The following CCDC141 variants were observed in gnomAD, a reference collection of about 807,000 sequenced individuals.
CCDC141 encodes coiled-coil domain-containing protein 141.
CCDC141 carries 168 observed loss-of-function variants against 181.0 expected under a neutral mutation model. The ratio of observed to expected loss-of-function variants is 0.93; its 90% CI spans 0.82 to 1.05. The LOEUF is 1.05. Among genes scored for constraint, CCDC141 ranks in the 50% least tolerant of loss-of-function variants. CCDC141 has a pLI of 0.00. For missense variants in CCDC141, 1,902 were observed against 1,788.5 expected (o/e 1.06, Z -1.14); for synonymous variants, 666 against 642.3 (o/e 1.04, Z -0.56).
intron 21 of CCDC141, among the ~76,000 whole-genome samples, chr2:178,847,495 C>T (rs942363038): frequency 6.6e-6 from 1 of 152,162 alleles, no homozygotes; most frequent in African/African-American, 2.4e-5. Flanking sequence ...AACACCACTA[C>T]ACTCCAGCCT....
At chr2:178,959,163 G>A (rs994906320) in intron 5 of CCDC141, among the ~76,000 whole-genome samples, 2 of 151,840 alleles carry the variant, frequency 1.3e-5, no homozygotes, top group African/African-American at 4.8e-5. Flanking sequence ...GAAGGGGGGA[G>A]GGATAGCATT....
chr2:178,836,893 C>G lies in CCDC141; in HGVS notation c.4325+1G>C, dbSNP rs1479001651. On this transcript the variant is annotated splice_donor_variant, in intron 23 of 23. Coordinates refer to ENST00000443758, the MANE Select transcript of CCDC141 (RefSeq NM_173648.4). LOFTEE classifies it high-confidence loss of function. Reference sequence around the variant, plus strand: ...ATGGCTTGTCATTATAGGCTACCCACCATGTCAGTGTAGGCTCTGGAAATC... The same window carrying G: ...ATGGCTTGTCATTATAGGCTACCCAGCATGTCAGTGTAGGCTCTGGAAATC... 6.2e-7 allele frequency: 1 copy of G among 1,601,098 alleles called. No homozygotes were observed. The highest frequency in any genetic ancestry group is 8.5e-7 in the Non-Finnish European group (1 of 1,176,706).
intron 2 of CCDC141, among the ~76,000 whole-genome samples, chr2:178,984,272 T>C (rs1691597426): frequency 6.9e-6 from 1 of 144,320 alleles, no homozygotes; most frequent in African/African-American, 2.6e-5. Flanking sequence ...TGCTGAGAGA[T>C]TTTGTCACCA....
At chr2:178,991,171 A>T (rs77553802) in intron 2 of CCDC141, among the ~76,000 whole-genome samples, 7,927 of 152,238 alleles carry the variant, frequency 0.052, 259 homozygotes, top group South Asian at 0.088. Context: ...TGGCAATGAA[A>T]TTTATCAAAC....
chr2:178,936,937 A>G (rs1689314076), intron 6 of CCDC141, among the ~76,000 whole-genome samples: 1 of 152,152 alleles, frequency 6.6e-6, no homozygotes, highest in Admixed American at 6.5e-5. Flanking sequence ...ATTTCTGTAC[A>G]TTGATTTTGT....
intron 17 of CCDC141, among the ~76,000 whole-genome samples, chr2:178,862,000 G>T (rs989959136): frequency 2.0e-5 from 3 of 152,074 alleles, no homozygotes; most frequent in Non-Finnish European, 4.4e-5. Context: ...TGGTCATTTT[G>T]TCAGTGGCAA....
At chr2:178,829,191 T>C (rs970572826), downstream of CCDC141, among the ~76,000 whole-genome samples, 5 of 152,254 alleles carry the variant, frequency 3.3e-5, no homozygotes, top group Non-Finnish European at 7.3e-5. Context: ...CAGTTTTTAT[T>C]GTGCTAATTG....
intron 6 of CCDC141, among the ~76,000 whole-genome samples, chr2:178,933,769 AG>A (rs1689184100): frequency 6.6e-6 from 1 of 152,314 alleles, no homozygotes; most frequent in South Asian, 2.1e-4. Context: ...AAATGCTTAC[AG>A]CAGCCAGGCA....
At chr2:178,904,116 G>A (rs1375825784) in intron 8 of CCDC141, among the ~76,000 whole-genome samples, 3 of 152,138 alleles carry the variant, frequency 2.0e-5, no homozygotes, top group Non-Finnish European at 4.4e-5. Flanking sequence ...TGGATGGGAG[G>A]AAACACCTTG....
chr2:178,905,186 AACTT>A (rs1270630308), intron 8 of CCDC141, 139 bp downstream of exon 8: 4 of 750,090 alleles, frequency 5.3e-6, no homozygotes, highest in Non-Finnish European at 8.3e-6. Flanking sequence ...CTGTTGATCA[AACTT>A]CAATAGATCC....
chr2:178,887,313 G>A (rs1298669811), intron 9 of CCDC141, among the ~76,000 whole-genome samples: 1 of 152,148 alleles, frequency 6.6e-6, no homozygotes, highest in East Asian at 1.9e-4. Context: ...GGACTCTGGG[G>A]GAGCACCAAA....
intron 2 of CCDC141, among the ~76,000 whole-genome samples, chr2:179,029,243 G>A (rs1441783633): frequency 1.3e-5 from 2 of 152,072 alleles, no homozygotes; most frequent in East Asian, 1.9e-4. Context: ...TCAGCATTTT[G>A]TATATAGTCT....
chr2:178,959,870 C>A (rs1690320459), intron 5 of CCDC141, among the ~76,000 whole-genome samples: 1 of 152,110 alleles, frequency 6.6e-6, no homozygotes, highest in Admixed American at 6.6e-5. Flanking sequence ...AAAAGTTGAC[C>A]AACACATGTC....
chr2:178,916,941 T>TC (rs1223198985), intron 7 of CCDC141, among the ~76,000 whole-genome samples: 2 of 149,514 alleles, frequency 1.3e-5, no homozygotes, highest in Non-Finnish European at 3.0e-5. Flanking sequence ...TTCTTCTTCT[T>TC]TTTTTTTTTA....
intron 2 of CCDC141, among the ~76,000 whole-genome samples, chr2:179,005,425 A>C (rs2042096189): frequency 1.3e-5 from 2 of 152,202 alleles, no homozygotes; most frequent in South Asian, 4.2e-4. Context: ...CAGCAAATTA[A>C]TTCAAAGATG....
chr2:178,901,437 C>G (rs1040680175), intron 8 of CCDC141, among the ~76,000 whole-genome samples: 30 of 152,006 alleles, frequency 2.0e-4, no homozygotes, highest in African/African-American at 7.3e-4. Flanking sequence ...CCCTGGGATG[C>G]AAGGCTGGTT....
At chr2:178,936,186 A>C (rs1020408016) in intron 6 of CCDC141, among the ~76,000 whole-genome samples, 2 of 152,104 alleles carry the variant, frequency 1.3e-5, no homozygotes, top group African/African-American at 2.4e-5. Context: ...TATGTCTAGG[A>C]TGATATTGCC....
intron 8 of CCDC141, among the ~76,000 whole-genome samples, chr2:178,893,280 C>T (rs1032282): frequency 0.82 from 123,629 of 151,452 alleles, 51,244 homozygotes; most frequent in East Asian, 0.98. Flanking sequence ...GAATAGACTG[C>T]TCTATTTACT....
intron 8 of CCDC141, among the ~76,000 whole-genome samples, chr2:178,891,189 T>TA: frequency 6.6e-6 from 1 of 152,286 alleles, no homozygotes; most frequent in Admixed American, 6.5e-5. Flanking sequence ...GTTTGTACCA[T>TA]AAAATTCCAT....
Sources: allele counts gnomAD v4.1 joint callset (sites outside exome capture counted in the v4.1 genomes callset), GRCh38; gene constraint gnomAD v4.1.1; transcripts MANE v1.5; gene names NCBI Gene and HGNC (gene_info 2026-07-23, HGNC 2026-07-21).